BIRC6: variants seen among roughly 807,000 people sequenced by gnomAD.
BIRC6 encodes baculoviral IAP repeat containing 6, also known as dual E2 ubiquitin-conjugating enzyme/E3 ubiquitin-protein ligase BIRC6.
A neutral mutation model predicts 503.3 loss-of-function variants in BIRC6; 98 were observed. The ratio of observed to expected loss-of-function variants is 0.19; its 90% CI spans 0.17 to 0.23. The LOEUF is 0.23. Among genes scored for constraint, BIRC6 ranks in the 10% least tolerant of loss-of-function variants. The probability of loss-of-function intolerance (pLI) is 1.00; values close to 1 mark genes in which losing one functional copy is unlikely to be tolerated. For synonymous variants in BIRC6, 2,240 were observed against 2,078.7 expected, an observed-to-expected ratio of 1.08 and a Z score of -2.11; for missense variants, 5,360 against 5,806.0, an observed-to-expected ratio of 0.92 and a Z score of 2.50.
chr2:32,474,225 G>C (rs145475896), intron 33 of BIRC6, among the ~76,000 whole-genome samples: 4 of 151,782 alleles, frequency 2.6e-5, no homozygotes. Context: ...TTGGCAATAC[G>C]TTTTTTATTT....
chr2:32,422,526 A>G (rs1055433531), intron 10 of BIRC6, among the ~76,000 whole-genome samples: 3 of 152,160 alleles, frequency 2.0e-5, no homozygotes, highest in South Asian at 2.1e-4. Flanking sequence ...TCTTGCATCT[A>G]TGAATGTGTC....
intron 23 of BIRC6, among the ~76,000 whole-genome samples, chr2:32,456,850 A>C (rs1016041120): frequency 2.6e-5 from 4 of 152,144 alleles, no homozygotes; most frequent in African/African-American, 9.7e-5. Flanking sequence ...TTTGTCATCA[A>C]GTTTTATACA....
chr2:32,386,739 C>T (rs2038529995), intron 3 of BIRC6, among the ~76,000 whole-genome samples: 2 of 152,132 alleles, frequency 1.3e-5, no homozygotes, highest in African/African-American at 4.8e-5. Context: ...CTGTGCCCAA[C>T]CTCAAATCTT....
intron 22 of BIRC6, among the ~76,000 whole-genome samples, chr2:32,450,043 C>G (rs756380788): frequency 1.1e-4 from 16 of 152,054 alleles, no homozygotes; most frequent in Non-Finnish European, 2.1e-4. Flanking sequence ...ACTGGAGATA[C>G]CAATGCCTTC....
chr2:32,502,428 G>A lies in BIRC6; in HGVS notation c.9208-367G>A, dbSNP rs114513678. 8.5e-3 allele frequency among the ~76,000 whole-genome samples: 1,297 copies of A among 152,160 alleles called. 5 individuals carry two copies. The highest frequency in any genetic ancestry group is 0.02 in the Middle Eastern group (6 of 294). ...TGCAGATATTAGAACAGTTTCTTAT[G>A]TCTTTTATATAGCAGTGTATAATTA... On this transcript the variant is annotated intron_variant, in intron 47 of 73. Transcript: ENST00000421745.
chr2:32,530,336 G>A (rs780434145), intron 60 of BIRC6, among the ~76,000 whole-genome samples: 6 of 151,856 alleles, frequency 4.0e-5, no homozygotes, highest in African/African-American at 1.5e-4. Context: ...TCAGCCTCCC[G>A]AGAAGCTGGG....
chr2:32,358,038 T>TGGGGGTGGGGGGG (rs575364820), intron 1 of BIRC6, among the ~76,000 whole-genome samples: 1 of 91,624 alleles, frequency 1.1e-5, no homozygotes, highest in African/African-American at 4.3e-5. Flanking sequence ...GGGGTGGGGG[T>TGGGGGTGGGGGGG]GGGGTGGGGG....
chr2:32,566,126 C>A (rs2059517456), intron 65 of BIRC6: 1 of 152,052 alleles, frequency 6.6e-6, no homozygotes, highest in African/African-American at 2.4e-5. Context: ...CATTTTTATA[C>A]CTTACTGTCC....
intron 69 of BIRC6, among the ~76,000 whole-genome samples, chr2:32,598,185 A>G (rs914825268): frequency 1.7e-4 from 24 of 138,518 alleles, no homozygotes; most frequent in Non-Finnish European, 3.0e-5. Context: ...GCTGGAGTAC[A>G]GTGATGTGAT....
intron 68 of BIRC6, among the ~76,000 whole-genome samples, chr2:32,596,352 C>T (rs1186583712): frequency 1.3e-5 from 2 of 151,368 alleles, no homozygotes; most frequent in African/African-American, 4.9e-5. Context: ...TGGTGGCAGG[C>T]GCCTGTAACC....
At chr2:32,533,743 A>C (rs1328376518) in intron 61 of BIRC6, among the ~76,000 whole-genome samples, 1 of 152,220 alleles carries the variant, frequency 6.6e-6, no homozygotes, top group African/African-American at 2.4e-5. Context: ...ATGGAACGTA[A>C]GTAGCCTCTG....
chr2:32,521,425 C>T (rs1195150159), intron 57 of BIRC6, among the ~76,000 whole-genome samples: 1 of 136,980 alleles, frequency 7.3e-6, no homozygotes, highest in African/African-American at 2.7e-5. Flanking sequence ...TAAAACTGGC[C>T]AAAAAGGAAG....
chr2:32,431,693 G>A (rs796439914), intron 12 of BIRC6, among the ~76,000 whole-genome samples: 36 of 152,282 alleles, frequency 2.4e-4, no homozygotes, highest in African/African-American at 8.7e-4. Flanking sequence ...ACTGCAATTA[G>A]TTTGGTCACT....
Position 32,460,239 on chromosome 2 carries a change from G to A in BIRC6, c.4754-2955G>A, listed in dbSNP as rs188456221. Among the ~76,000 whole-genome samples, 375 of 74,990 alleles carry A rather than the reference G, an allele frequency of 5.0e-3. 5 individuals are homozygous for A. Among genetic ancestry groups the A allele is most frequent in the African/African-American group, 0.018 (349 of 19,044 alleles). The allele number at this position is 74,990 out of a possible 152,430, so 49.2% of individuals were successfully genotyped here. On this transcript the variant is annotated intron_variant, in intron 23 of 73. Transcript: ENST00000421745. ...ATATATATCTCATATGATATATCTCGTATATGATATATATATATATATATA... is the reference window on the plus strand; with the variant it reads ...ATATATATCTCATATGATATATCTCATATATGATATATATATATATATATA...
intron 66 of BIRC6, among the ~76,000 whole-genome samples, chr2:32,581,714 C>T (rs568516766): frequency 2.6e-5 from 4 of 152,102 alleles, no homozygotes; most frequent in African/African-American, 4.8e-5. Flanking sequence ...GCAGTACAAT[C>T]GGGAATAATC....
intron 25 of BIRC6, 111 bp from the exon 26 acceptor site, chr2:32,464,954 G>T: frequency 1.5e-6 from 2 of 1,338,772 alleles, no homozygotes. Flanking sequence ...AAATATTACA[G>T]TACATACATT....
intron 66 of BIRC6, among the ~76,000 whole-genome samples, chr2:32,576,934 A>T (rs980824740): frequency 1.3e-4 from 20 of 152,178 alleles, no homozygotes; most frequent in African/African-American, 4.8e-4. Context: ...GTAATGGAAA[A>T]TGTAAAGGTA....
intron 53 of BIRC6, among the ~76,000 whole-genome samples, chr2:32,510,852 C>T (rs2054313080): frequency 6.6e-6 from 1 of 152,122 alleles, no homozygotes; most frequent in Admixed American, 6.6e-5. Context: ...CAAATTTGAA[C>T]TTAAATAGAA....
intron 10 of BIRC6, among the ~76,000 whole-genome samples, chr2:32,416,496 C>T (rs1370224382): frequency 6.6e-6 from 1 of 151,322 alleles, no homozygotes; most frequent in Non-Finnish European, 1.5e-5. Context: ...ATTCATTAAA[C>T]CTGTTTTTAT....
Sources: allele counts gnomAD v4.1 joint callset (sites outside exome capture counted in the v4.1 genomes callset), GRCh38; gene constraint gnomAD v4.1.1; transcripts MANE v1.5; gene names NCBI Gene and HGNC (gene_info 2026-07-23, HGNC 2026-07-21).